The following LRRC14 variants were observed in gnomAD, a reference collection of about 807,000 sequenced individuals.
The protein encoded by LRRC14 is leucine-rich repeat-containing protein 14.
A neutral mutation model predicts 25.3 loss-of-function variants in LRRC14; 16 were observed. That is an observed-to-expected ratio of 0.63 (90% CI 0.43 to 0.96). The LOEUF (loss-of-function observed/expected upper bound fraction) is 0.96. Among genes scored for constraint, LRRC14 ranks in the 40% least tolerant of loss-of-function variants. The pLI, the probability that LRRC14 is intolerant of heterozygous loss-of-function variation, is 0.00. For synonymous variants in LRRC14, 359 were observed against 295.1 expected (o/e 1.22, Z -2.22); for missense variants, 594 against 660.5 (o/e 0.90, Z 1.10).
chr8:144,523,192 C>T lies in LRRC14; in HGVS notation c.*1714C>T, dbSNP rs753663249. ...AGGCTTGGCAGGCAACCCGCAGGTC[C>T]TCACCCAGGTTGGCTGTGAGCTCCA... On this transcript the variant is annotated 3_prime_UTR_variant, in exon 4 of 4. Transcript: ENST00000292524. 1 of 1,609,732 alleles carries T rather than the reference C, an allele frequency of 6.2e-7. No homozygotes were observed. Among genetic ancestry groups the T allele is most frequent in the South Asian group, 1.1e-5 (1 of 90,702 alleles).
intron 1 of LRRC14, chr8:144,518,740 C>T (rs550602957): frequency 6.6e-6 from 1 of 152,406 alleles, no homozygotes; most frequent in East Asian, 1.9e-4. Context: ...ATTTTCTAAT[C>T]TGTCACAGGG....
Position 144,524,536 on chromosome 8 carries a change from T to A in LRRC14, c.*3058T>A. ...TGGGCCAGGCCTACGAAGGCGCCGC[T>A]GCGCAAGCCGCGCAGCCGGTTGCTA... On this transcript the variant is annotated 3_prime_UTR_variant, in exon 4 of 4. Coordinates refer to ENST00000292524, the MANE Select transcript of LRRC14 (RefSeq NM_014665.4). 2.5e-6 allele frequency: 4 copies of A among 1,585,310 alleles called. No homozygotes were observed. Among genetic ancestry groups the A allele is most frequent in the Non-Finnish European group, 3.4e-6 (4 of 1,174,594 alleles).
At position 144,522,448 on chromosome 8, in the gene LRRC14, GCCCA is replaced by G; in HGVS notation, c.*972_*975del. The G allele has an allele frequency of 7.2e-7, 1 of 1,392,678 alleles. No homozygotes were observed. The highest frequency in any genetic ancestry group is 9.2e-7 in the Non-Finnish European group (1 of 1,082,174). The allele number at this position is 1,392,678 out of a possible 1,614,324, so 86.3% of individuals were successfully genotyped here. A position where few individuals can be genotyped will look rare whatever the true frequency, so the allele number is the denominator to read the frequency against. On this transcript the variant is annotated 3_prime_UTR_variant, in exon 4 of 4. Transcript: ENST00000292524. ...GAGGCCGCACCGGCCAATCTCCGGC[GCCCA>G]CGTCATCCGCGCGCCCGCGGCCCTA... is the stretch of plus-strand genomic sequence containing the variant.
rs1160472546 is a variant in LRRC14 at position 144,524,350 on chromosome 8, C to A, written c.*2872C>A. On this transcript the variant is annotated 3_prime_UTR_variant, in exon 4 of 4. Coordinates refer to ENST00000292524, the MANE Select transcript of LRRC14 (RefSeq NM_014665.4). ...GGGGCATGTCTCTCTTCTTACCAAG[C>A]TAGACTGGGTTGCCTTTTCTAACTA... 1.9e-6 allele frequency: 3 copies of A among 1,596,850 alleles called. No homozygotes were observed. In the East Asian group the frequency reaches 6.7e-5, roughly 36 times the overall value.
In LRRC14 at chr8:144,520,619, G is replaced by A; in HGVS notation, c.711G>A (p.Leu237=). The change falls in exon 3 of 4, where the codon CTG becomes CTA. Residue 237 remains leucine, a synonymous_variant. Transcript: ENST00000292524. The stretch of plus-strand genomic sequence containing the variant: ...TCAACAATCTGGGCCTGCGCGGCCT[G>A]TCTGTGATCATCCCACACGTGGCCC... ...LRFNNLGLRG[L]SVIIPHVARF... is the part of the protein sequence containing the mutation. The A allele has an allele frequency of 6.2e-7, 1 of 1,601,914 alleles. No individual in the cohort carries two copies. The highest frequency in any genetic ancestry group is 1.6e-4 in the Middle Eastern group (1 of 6,062).
chr8:144,523,448 C>T lies in LRRC14; in HGVS notation c.*1970C>T. On this transcript the variant is annotated 3_prime_UTR_variant, in exon 4 of 4. Transcript: ENST00000292524. Reference sequence around the variant, plus strand: ...GCGTTAGGCAGGTGGCTTGAGGGTGCTGCTAAAACAGCCTGTGCAGTTGGG... The same window carrying T: ...GCGTTAGGCAGGTGGCTTGAGGGTGTTGCTAAAACAGCCTGTGCAGTTGGG... 1 of 1,503,052 alleles carries T rather than the reference C, an allele frequency of 6.7e-7. No homozygotes were observed. The allele number at this position is 1,503,052 out of a possible 1,614,324, so 93.1% of individuals were successfully genotyped here. A position where few individuals can be genotyped will look rare whatever the true frequency, so the allele number is the denominator to read the frequency against.
At position 144,524,931 on chromosome 8, in the gene LRRC14, A is replaced by C. The variant is rs967216441; in HGVS notation, c.*3453A>C. ...GCAGCCGGCGGCGCGGAGCGGCAGT[A>C]GTAGCAGCAGCAGCGGCAGCAGTGC... On this transcript the variant is annotated 3_prime_UTR_variant, in exon 4 of 4. Transcript: ENST00000292524. 9 of 1,511,610 alleles carry C rather than the reference A, an allele frequency of 6.0e-6. No individual in the cohort carries two copies. Among genetic ancestry groups the C allele is most frequent in the Non-Finnish European group, 6.2e-6 (7 of 1,131,400 alleles). 93.6% of individuals were successfully genotyped at this position (1,511,610 alleles called of 1,614,324 possible).
rs1011188257 is a variant in LRRC14, at chr8:144,520,607, C to T, written c.699C>T (p.Gly233=). The T allele has an allele frequency of 1.5e-5, 24 of 1,601,344 alleles. No homozygotes were observed. Among genetic ancestry groups the T allele is most frequent in the Non-Finnish European group, 1.7e-5 (20 of 1,179,950 alleles). Residue 233 remains glycine, a synonymous_variant, in exon 3 of 4, where the codon GGC becomes GGT. Transcript: ENST00000292524. ...RRVDLRFNNL[G]LRGLSVIIPH... ...TGGACCTGCGCTTCAACAATCTGGG[C>T]CTGCGCGGCCTGTCTGTGATCATCC...
chr8:144,521,782 A>G lies in LRRC14; in HGVS notation c.*304A>G, dbSNP rs113547325. The stretch of plus-strand genomic sequence containing the variant: ...GTCTGGGGTCCTGGTCCTTTGTGCA[A>G]ATGCTTTGGGATTCCAGTTGTGAGC... On this transcript the variant is annotated 3_prime_UTR_variant, in exon 4 of 4. Coordinates refer to ENST00000292524, the MANE Select transcript of LRRC14 (RefSeq NM_014665.4). The G allele has an allele frequency of 3.1e-3, 1,175 of 382,690 alleles. 12 individuals carry two copies. The highest frequency in any genetic ancestry group is 0.021 in the African/African-American group (1,026 of 49,120). 23.7% of individuals were successfully genotyped at this position (382,690 alleles called of 1,614,324 possible). A position where few individuals can be genotyped will look rare whatever the true frequency, so the allele number is the denominator to read the frequency against.
At position 144,520,793 on chromosome 8, in the gene LRRC14, C is replaced by T. The variant is rs767861989; in HGVS notation, c.885C>T (p.Leu295=). The change falls in exon 3 of 4, where the codon CTC becomes CTT. Residue 295 remains leucine, a synonymous_variant. Transcript: ENST00000292524. ...CLRELSMGSS[L]LSGRLDQLLS... Reference sequence around the variant, plus strand: ...GTGAGCTCAGCATGGGCTCCTCTCTCCTTTCAGGGAGGCTGGACCAGCTGC... The same window carrying T: ...GTGAGCTCAGCATGGGCTCCTCTCTTCTTTCAGGGAGGCTGGACCAGCTGC... 2.5e-6 allele frequency: 4 copies of T among 1,598,106 alleles called. No homozygotes were observed. Among genetic ancestry groups the T allele is most frequent in the South Asian group, 1.1e-5 (1 of 91,052 alleles).
chr8:144,523,618 G>A lies in LRRC14; in HGVS notation c.*2140G>A. The stretch of plus-strand genomic sequence containing the variant: ...TCGCCCCCCTCCCCTTTAGCTCTGT[G>A]ATGCCTGCCTGTTACAGATCACTTC... On this transcript the variant is annotated 3_prime_UTR_variant, in exon 4 of 4. Transcript: ENST00000292524. The A allele has an allele frequency of 1.6e-6, 1 of 643,706 alleles. No homozygotes were observed. Among genetic ancestry groups the A allele is most frequent in the Non-Finnish European group, 2.4e-6 (1 of 425,294 alleles). 39.9% of individuals were successfully genotyped at this position (643,706 alleles called of 1,614,324 possible).
rs994885221 is a variant in LRRC14 at position 144,518,049 on chromosome 8, C to G, written c.-112+8C>G. ...GCTGCGGTTGCGGGACCGGTGAGCG[C>G]GGGCGGCCGGGGGGGTGTCTGAGCG... On this transcript the variant is annotated splice_region_variant and intron_variant, in intron 1 of 3. Coordinates refer to ENST00000292524, the MANE Select transcript of LRRC14 (RefSeq NM_014665.4). 4.5e-5 allele frequency: 7 copies of G among 155,496 alleles called. No homozygotes were observed. In the East Asian group the frequency reaches 5.6e-4, roughly 12 times the overall value. 9.6% of individuals were successfully genotyped at this position (155,496 alleles called of 1,614,324 possible).
Position 144,524,806 on chromosome 8 carries a change from C to G in LRRC14, c.*3328C>G. On this transcript the variant is annotated 3_prime_UTR_variant, in exon 4 of 4. Transcript: ENST00000292524. ...CACCCCGTCCTCCCGCAGCTCCACACGGTGCCCACCTGCGTCCCTGGCGGG... is the reference window on the plus strand; with the variant it reads ...CACCCCGTCCTCCCGCAGCTCCACAGGGTGCCCACCTGCGTCCCTGGCGGG... 1 of 1,449,500 alleles carries G rather than the reference C, an allele frequency of 6.9e-7. No homozygotes were observed. The highest frequency in any genetic ancestry group is 9.1e-7 in the Non-Finnish European group (1 of 1,103,798). 89.8% of individuals were successfully genotyped at this position (1,449,500 alleles called of 1,614,324 possible).
Position 144,523,078 on chromosome 8 carries a change from C to T in LRRC14, c.*1600C>T, listed in dbSNP as rs765594650. The stretch of plus-strand genomic sequence containing the variant: ...CCGAGTGTCCGCCCAGGCCCAGCAA[C>T]CCGCCTTCTAGCTGGGCCTGGGCTC... On this transcript the variant is annotated 3_prime_UTR_variant, in exon 4 of 4. Transcript: ENST00000292524. The T allele has an allele frequency of 2.7e-5, 44 of 1,608,010 alleles. 1 individual carries two copies. The South Asian group carries it at 3.6e-4, about 13-fold the overall frequency.
chr8:144,520,896 C>G lies in LRRC14; in HGVS notation c.915-15C>G. ...CCCTGGCTCTGCCTGTCTGTGACCC[C>G]TGTGTCCCCTGTAGCACCCTGCAGA... On this transcript the variant is annotated splice_polypyrimidine_tract_variant and intron_variant, in intron 3 of 3. Transcript: ENST00000292524. 1.9e-6 allele frequency: 3 copies of G among 1,602,424 alleles called. No individual in the cohort carries two copies. The highest frequency in any genetic ancestry group is 2.6e-6 in the Non-Finnish European group (3 of 1,176,372).
chr8:144,520,077 G>A (rs780861071), intron 2 of LRRC14, 23 bp downstream of exon 2: 41 of 1,590,568 alleles, frequency 2.6e-5, no homozygotes, highest in Non-Finnish European at 2.8e-5. Context: ...CTGGAGGGTC[G>A]TCAGGCCAGG....
At position 144,520,491 on chromosome 8, in the gene LRRC14, C is replaced by G; in HGVS notation, c.583C>G (p.Leu195Val). 1.3e-6 allele frequency: 2 copies of G among 1,598,522 alleles called. No homozygotes were observed. Among genetic ancestry groups the G allele is most frequent in the Non-Finnish European group, 1.7e-6 (2 of 1,178,256 alleles). The change falls in exon 3 of 4, where the codon CTC becomes GTC. Residue 195 changes from leucine to valine, a missense_variant. By Grantham distance (32) the Leu-to-Val change is conservative. Transcript: ENST00000292524. ...LRSSVGSPLR[L>V]CCRDLRAEDL... ...AAGCAGCGTGGGCAGCCCGCTGCGG[C>G]TCTGCTGCCGGGACCTGCGAGCTGA... is the stretch of plus-strand genomic sequence containing the variant.
At position 144,520,945 on chromosome 8, in the gene LRRC14, G is replaced by A. The variant is rs1160974278; in HGVS notation, c.949G>A (p.Ala317Thr). The change falls in exon 4 of 4, where the codon GCC becomes ACC. Residue 317 changes from alanine to threonine, a missense_variant. Physicochemically the swap from Ala to Thr is moderately conservative, Grantham distance 58 (BLOSUM62 0). Coordinates refer to ENST00000292524, the MANE Select transcript of LRRC14 (RefSeq NM_014665.4). ...GAGCCCCCTGGAGAGCCTGGAGTTG[G>A]CCTTCTGTGCTCTGCTGCCTGAGGA... is the stretch of plus-strand genomic sequence containing the variant. ...LQSPLESLEL[A>T]FCALLPEDLR... 6.2e-7 allele frequency: 1 copy of A among 1,612,582 alleles called. No individual in the cohort carries two copies. Among genetic ancestry groups the A allele is most frequent in the East Asian group, 2.2e-5 (1 of 44,874 alleles).
At position 144,522,444 on chromosome 8, in the gene LRRC14, C is replaced by T; in HGVS notation, c.*966C>T. 6 of 1,391,160 alleles carry T rather than the reference C, an allele frequency of 4.3e-6. No homozygotes were observed. Among genetic ancestry groups the T allele is most frequent in the Non-Finnish European group, 5.5e-6 (6 of 1,081,440 alleles). The allele number at this position is 1,391,160 out of a possible 1,614,324, so 86.2% of individuals were successfully genotyped here. A position where few individuals can be genotyped will look rare whatever the true frequency, so the allele number is the denominator to read the frequency against. On this transcript the variant is annotated 3_prime_UTR_variant, in exon 4 of 4. Transcript: ENST00000292524. ...GCGCGAGGCCGCACCGGCCAATCTCCGGCGCCCACGTCATCCGCGCGCCCG... is the reference window on the plus strand; with the variant it reads ...GCGCGAGGCCGCACCGGCCAATCTCTGGCGCCCACGTCATCCGCGCGCCCG...
Sources: gnomAD v4.1 joint callset for allele counts on GRCh38, gnomAD v4.1.1 for gene constraint, MANE v1.5 for transcripts, NCBI Gene and HGNC (gene_info 2026-07-23, HGNC 2026-07-21) for gene names.